DNHD1: variants seen among roughly 807,000 people sequenced by gnomAD.
DNHD1 encodes the protein dynein heavy chain domain 1, also known as dynein heavy chain domain-containing protein 1.
A neutral mutation model predicts 458.1 loss-of-function variants in DNHD1; 383 were observed. The observed-to-expected ratio is 0.84, with a 90% CI of 0.77 to 0.91. The LOEUF (loss-of-function observed/expected upper bound fraction) is 0.91, where lower values mean the gene tolerates loss of function less well. Ranked by LOEUF, DNHD1 falls within the 40% of genes least tolerant of loss-of-function variation. The pLI is 0.00. For missense variants in DNHD1, 5,336 were observed against 5,866.1 expected (o/e 0.91, Z 2.95); for synonymous variants, 2,203 against 2,376.9 (o/e 0.93, Z 2.13).
rs183486149 is a variant in DNHD1, at chr11:6,550,867, A to G, written c.7387+1934A>G. ...CTAAAATAGACATTTAAGTATAGGG[A>G]AAAAAAGCCAATAGAAACAAAAGAG... On this transcript the variant is annotated intron_variant, in intron 24 of 42. Transcript: ENST00000254579. 2.3e-3 allele frequency among the ~76,000 whole-genome samples: 344 copies of G among 152,294 alleles called. 1 individual carries two copies. The highest frequency in any genetic ancestry group is 6.3e-3 in the African/African-American group (260 of 41,584).
chr11:6,540,514 G>C (rs1853077148), intron 18 of DNHD1, among the ~76,000 whole-genome samples: 1 of 152,178 alleles, frequency 6.6e-6, no homozygotes, highest in African/African-American at 2.4e-5. Context: ...CTTACAGACA[G>C]TATCCCTGTC....
Position 6,498,930 on chromosome 11 carries a change from G to T in DNHD1, c.715G>T (p.Glu239Ter), listed in dbSNP as rs757658550. Residue 239 changes from glutamate (E) to a stop codon, truncating the protein, a stop_gained, in exon 3 of 43, where the codon GAG becomes TAG. Transcript: ENST00000254579. LOFTEE classifies it high-confidence loss of function. ...RYESSDTDNA[E>*]VEPVGRKETR... Reference sequence around the variant, plus strand: ...TGAAAGCAGTGACACTGACAATGCAGAGGTGGAGCCTGTTGGAAGAAAAGA... The same window carrying T: ...TGAAAGCAGTGACACTGACAATGCATAGGTGGAGCCTGTTGGAAGAAAAGA... The T allele has an allele frequency of 1.9e-6, 3 of 1,611,682 alleles. No individual in the cohort carries two copies. Among genetic ancestry groups the T allele is most frequent in the Non-Finnish European group, 2.5e-6 (3 of 1,178,556 alleles).
Position 6,546,712 on chromosome 11 carries a change from C to T in DNHD1, c.5773C>T (p.Leu1925=). The T allele has an allele frequency of 1.3e-6, 2 of 1,551,666 alleles. No individual in the cohort carries two copies. Among genetic ancestry groups the T allele is most frequent in the Non-Finnish European group, 1.7e-6 (2 of 1,146,972 alleles). Residue 1925 remains leucine (L), a synonymous_variant, in exon 21 of 43, where the codon CTG becomes TTG. Coordinates refer to ENST00000254579, the MANE Select transcript of DNHD1 (RefSeq NM_144666.3). ...GTTTAGCATTCTCAATGGGCTCCAC[C>T]TGCACAACCTCCGAGGGCTGTTGTG... ...PLFSILNGLH[L]HNLRGLLCAL...
Position 6,571,797 on chromosome 11 carries a change from G to A in DNHD1, c.14073G>A (p.Pro4691=), listed in dbSNP as rs774063199. The A allele has an allele frequency of 6.8e-6, 11 of 1,613,766 alleles. No individual in the cohort carries two copies. Among genetic ancestry groups the A allele is most frequent in the Non-Finnish European group, 9.3e-6 (11 of 1,179,884 alleles). Residue 4691 remains proline (P), a synonymous_variant, in exon 43 of 43, where the codon CCG becomes CCA. Transcript: ENST00000254579. This position sits in a 1 kb window ranked among gnomAD's most constrained non-coding sequence, Gnocchi z 5.0. ...CCGTCAGCATCAGCACACAGGCCCC[G>A]GGCACCAGTGACCTGCCAGCCCCAG... The part of the protein sequence containing the change: ...LPPVSISTQA[P]GTSDLPAPAD...
rs1852057790 is a variant in DNHD1, at chr11:6,497,815, T to C, written c.-401T>C. The stretch of plus-strand genomic sequence containing the variant: ...CATCAGCAGATCGGGCTCTCTTCCC[T>C]TGCCTTGCCTCCTAACCCCCCTAGG... On this transcript the variant is annotated 5_prime_UTR_variant, in exon 3 of 43. Transcript: ENST00000254579. The C allele has an allele frequency of 4.9e-6, 1 of 204,294 alleles. No individual in the cohort carries two copies. The highest frequency in any genetic ancestry group is 2.3e-5 in the African/African-American group (1 of 43,116). The allele number at this position is 204,294 out of a possible 1,614,324, so 12.7% of individuals were successfully genotyped here.
In DNHD1 at chr11:6,568,775, C is replaced by T; in HGVS notation, c.12772C>T (p.Pro4258Ser). The T allele has an allele frequency of 6.2e-7, 1 of 1,613,524 alleles. No individual in the cohort carries two copies. The highest frequency in any genetic ancestry group is 8.5e-7 in the Non-Finnish European group (1 of 1,179,770). ...LAQQVLYMQPPTQALPLLLLH... is the reference protein window; with the variant it reads ...LAQQVLYMQPSTQALPLLLLH... Reference sequence around the variant, plus strand: ...CCAGCAAGTACTCTACATGCAACCCCCCACCCAGGCACTACCTCTGCTCCT... The same window carrying T: ...CCAGCAAGTACTCTACATGCAACCCTCCACCCAGGCACTACCTCTGCTCCT... Residue 4258 changes from proline to serine, a missense_variant, in exon 39 of 43, where the codon CCC (proline) becomes TCC (serine). Pro to Ser is a moderately conservative substitution (Grantham distance 74). Transcript: ENST00000254579.
chr11:6,565,903 G>T lies in DNHD1; in HGVS notation c.10965G>T (p.Glu3655Asp), dbSNP rs762895865. 6.4e-7 allele frequency: 1 copy of T among 1,551,672 alleles called. No individual in the cohort carries two copies. ...TESQGSKPAY[E>D]TQLPSLPYLS... The stretch of plus-strand genomic sequence containing the variant: ...GCCAGGGGTCAAAGCCAGCCTATGA[G>T]ACTCAGCTTCCATCCCTTCCCTACC... The change falls in exon 33 of 43, where the codon GAG (glutamate) becomes GAT (aspartate). Residue 3655 changes from glutamate (E) to aspartate (D), a missense_variant. Transcript: ENST00000254579.
intron 4 of DNHD1, among the ~76,000 whole-genome samples, chr11:6,506,013 G>A (rs1182966936): frequency 1.3e-5 from 2 of 152,144 alleles, no homozygotes; most frequent in Non-Finnish European, 2.9e-5. Flanking sequence ...AAGACAGTTA[G>A]GCACATAAAG....
intron 20 of DNHD1, 45 bp from the exon 21 acceptor site, chr11:6,544,747 G>A: frequency 6.5e-7 from 1 of 1,540,536 alleles, no homozygotes; most frequent in Non-Finnish European, 8.8e-7. Flanking sequence ...AAGGGGAGCT[G>A]CCACTTCATA....
At chr11:6,532,892 G>C (rs1458859178) in intron 12 of DNHD1, 135 bp from the exon 13 acceptor site, 2 of 806,206 alleles carry the variant, frequency 2.5e-6, no homozygotes, top group Non-Finnish European at 3.9e-6. Flanking sequence ...ATTGAGCAGG[G>C]ATTCAACAAG....
Position 6,528,930 on chromosome 11 carries a change from G to A in DNHD1, c.2156G>A (p.Gly719Asp), listed in dbSNP as rs1852771496. The A allele has an allele frequency of 6.4e-7, 1 of 1,551,690 alleles. No individual in the cohort carries two copies. The highest frequency in any genetic ancestry group is 2.4e-5 in the East Asian group (1 of 40,928). Residue 719 changes from glycine (G) to aspartate (D), a missense_variant, in exon 12 of 43, where the codon GGC (glycine) becomes GAC (aspartate). By Grantham distance (94) the Gly-to-Asp change is moderately conservative. Around this residue, in one of 4 missense-constraint regions of DNHD1, gnomAD observed 3,932 missense variants for 4,365.6 expected, o/e 0.90. Transcript: ENST00000254579. The stretch of plus-strand genomic sequence containing the variant: ...TGCAGGGAACATCATTGGATAACAG[G>A]CATTTATGAATTCCTGCAATCCTGG... Reference protein sequence around the residue: ...EFCREHHWITGIYEFLQSWGP... With the variant: ...EFCREHHWITDIYEFLQSWGP...
In DNHD1 at chr11:6,498,683, C is replaced by A. The variant is rs771471845; in HGVS notation, c.468C>A (p.Leu156=). Residue 156 remains leucine, a synonymous_variant, in exon 3 of 43, where the codon CTC becomes CTA. Coordinates refer to ENST00000254579, the MANE Select transcript of DNHD1 (RefSeq NM_144666.3). ...ACTGCTGTCCCCAGAAGCGGAGGCT[C>A]CATCACAGGCCCCCATGCCCAGCTT... ...HADCCPQKRR[L]HHRPPCPACP... 2 of 1,614,112 alleles carry A rather than the reference C, an allele frequency of 1.2e-6. No homozygotes were observed. The highest frequency in any genetic ancestry group is 2.2e-5 in the South Asian group (2 of 91,084).
At position 6,567,618 on chromosome 11, in the gene DNHD1, C is replaced by T. The variant is rs370205907; in HGVS notation, c.12109C>T (p.Leu4037Phe). 83 of 1,613,906 alleles carry T rather than the reference C, an allele frequency of 5.1e-5. No homozygotes were observed. The East Asian group carries it at 7.6e-4, about 15-fold the overall frequency. The change falls in exon 36 of 43, where the codon CTC becomes TTC. Residue 4037 changes from leucine to phenylalanine, a missense_variant. By Grantham distance (22) the Leu-to-Phe change is conservative. Coordinates refer to ENST00000254579, the MANE Select transcript of DNHD1 (RefSeq NM_144666.3). ...TGGGCCAGGGCCTGAGCCACTCAGC[C>T]TCCTCCAGAAGCTGATCCTGTGGCG... ...APGPGPEPLS[L>F]LQKLILWRVL...
At position 6,571,864 on chromosome 11, in the gene DNHD1, C is replaced by A. The variant is rs1424699245; in HGVS notation, c.14140C>A (p.Pro4714Thr). The change falls in exon 43 of 43, where the codon CCC becomes ACC. Residue 4714 changes from proline to threonine, a missense_variant. Around this residue, in one of 4 missense-constraint regions of DNHD1, gnomAD observed 698 missense variants for 664.9 expected, o/e 1.05. Coordinates refer to ENST00000254579, the MANE Select transcript of DNHD1 (RefSeq NM_144666.3). The surrounding 1 kb of genome is among the most constrained non-coding windows in gnomAD (Gnocchi z 5.0). ...CTCGTGTCCTGTGTACATGGGAGGG[C>A]CCCTTGGCACCGCTAAGCTGCAGAG... ...VYSCPVYMGGPLGTAKLQSRN... is the reference protein window; with the variant it reads ...VYSCPVYMGGTLGTAKLQSRN... The A allele has an allele frequency of 1.9e-6, 3 of 1,614,012 alleles. No individual in the cohort carries two copies. Among genetic ancestry groups the A allele is most frequent in the Admixed American group, 1.7e-5 (1 of 60,020 alleles).
intron 10 of DNHD1, among the ~76,000 whole-genome samples, chr11:6,526,811 C>T (rs1852719466): frequency 6.6e-6 from 1 of 152,192 alleles, no homozygotes; most frequent in African/African-American, 2.4e-5. Context: ...ATAGACCTTA[C>T]CTCACCTGTT....
Position 6,498,123 on chromosome 11 carries a change from G to T in DNHD1, c.-93G>T. On this transcript the variant is annotated 5_prime_UTR_variant, in exon 3 of 43. It adds an upstream start codon to the 5' untranslated region. Coordinates refer to ENST00000254579, the MANE Select transcript of DNHD1 (RefSeq NM_144666.3). ...CCCCTCTGCTGGGCTGGCCCATGCAGGTGAGGCCCCGCATCTGGCATCCTG... is the reference window on the plus strand; with the variant it reads ...CCCCTCTGCTGGGCTGGCCCATGCATGTGAGGCCCCGCATCTGGCATCCTG... 1 of 1,541,946 alleles carries T rather than the reference G, an allele frequency of 6.5e-7. No homozygotes were observed. Among genetic ancestry groups the T allele is most frequent in the Non-Finnish European group, 8.8e-7 (1 of 1,139,366 alleles).
chr11:6,538,351 A>G (rs1853010500), intron 14 of DNHD1, 32 bp from the exon 15 acceptor site: 3 of 1,551,202 alleles, frequency 1.9e-6, no homozygotes, highest in Non-Finnish European at 2.6e-6. Context: ...CACTGCAAGT[A>G]GCCCAGGTCT....
chr11:6,498,843 G>T lies in DNHD1; in HGVS notation c.628G>T (p.Val210Leu). ...TGCTCAGGTGGCCCTAGAAGAGGCTGTGTGGCTGGATGGACTTAGTCTCCT... is the reference window on the plus strand; with the variant it reads ...TGCTCAGGTGGCCCTAGAAGAGGCTTTGTGGCTGGATGGACTTAGTCTCCT... ...VGAQVALEEA[V>L]WLDGLSLLPL... Residue 210 changes from valine to leucine, a missense_variant, in exon 3 of 43, where the codon GTG becomes TTG. By Grantham distance (32) the Val-to-Leu change is conservative (BLOSUM62 1). This residue lies in a region of DNHD1 where 3,932 missense variants were observed against 4,365.6 expected (regional missense o/e 0.90). Transcript: ENST00000254579. 6.2e-7 allele frequency: 1 copy of T among 1,614,254 alleles called. No homozygotes were observed. The highest frequency in any genetic ancestry group is 8.5e-7 in the Non-Finnish European group (1 of 1,180,052).
At position 6,564,713 on chromosome 11, in the gene DNHD1, G is replaced by T. The variant is rs533358746; in HGVS notation, c.10665G>T (p.Leu3555=). ...THYSSCRWPL[L]LDPSNEALIW... Reference sequence around the variant, plus strand: ...ACAGTAGTTGCCGTTGGCCTCTGCTGCTTGACCCCAGCAACGAGGCCCTCA... The same window carrying T: ...ACAGTAGTTGCCGTTGGCCTCTGCTTCTTGACCCCAGCAACGAGGCCCTCA... The change falls in exon 32 of 43, where the codon CTG becomes CTT. Residue 3555 remains leucine (L), a synonymous_variant. Transcript: ENST00000254579. The T allele has an allele frequency of 1.5e-5, 23 of 1,550,640 alleles. No homozygotes were observed. The Admixed American group carries it at 2.2e-4, about 15-fold the overall frequency.
Sources: gnomAD v4.1 joint callset for allele counts (sites outside exome capture counted in the v4.1 genomes callset) on GRCh38, gnomAD v4.1.1 for gene constraint, gnomAD v4.1.1 regional missense constraint, Gnocchi (gnomAD v3.1) non-coding constraint, MANE v1.5 for transcripts, NCBI Gene and HGNC (gene_info 2026-07-23, HGNC 2026-07-21) for gene names.